The following CECR2 variants were observed in gnomAD, a reference collection of about 807,000 sequenced individuals.
CECR2 encodes the protein chromatin remodeling regulator CECR2.
Under a neutral mutation model 154.5 loss-of-function variants are expected in CECR2, and 30 were observed. The observed-to-expected ratio is 0.19, with a 90% CI of 0.15 to 0.26. The LOEUF (loss-of-function observed/expected upper bound fraction) is 0.26. Among genes scored for constraint, CECR2 ranks in the 10% least tolerant of loss-of-function variants. CECR2 has a pLI of 1.00. For synonymous variants in CECR2, 725 were observed against 683.7 expected (o/e 1.06, Z -0.94); for missense variants, 1,743 against 1,829.3 (o/e 0.95, Z 0.86).
intron 1 of CECR2, among the ~76,000 whole-genome samples, chr22:17,447,652 T>TAA (rs5844311): frequency 0.036 from 4,838 of 134,178 alleles, 276 homozygotes; most frequent in African/African-American, 0.12. Context: ...CCCAGAGACT[T>TAA]AAAAAAAAAA....
chr22:17,552,859 C>G lies in CECR2; in HGVS notation c.*19C>G. 6.5e-7 allele frequency: 1 copy of G among 1,538,814 alleles called. No individual in the cohort carries two copies. Among genetic ancestry groups the G allele is most frequent in the Non-Finnish European group, 8.8e-7 (1 of 1,141,304 alleles). ...GAGCTAGTCCAAGGAGGAAATGAGC[C>G]CCAAGCAATGGAAAGCTGCACACGA... is the stretch of plus-strand genomic sequence containing the variant. On this transcript the variant is annotated 3_prime_UTR_variant, in exon 19 of 19. Coordinates refer to ENST00000262608, the MANE Select transcript of CECR2 (RefSeq NM_001290047.2).
intron 8 of CECR2, 43 bp from the exon 9 acceptor site, chr22:17,524,075 C>A: frequency 2.1e-6 from 3 of 1,440,742 alleles, no homozygotes; most frequent in Non-Finnish European, 2.9e-6. Flanking sequence ...GCTTATCTTG[C>A]ATGATTGTGT....
chr22:17,476,538 T>TA (rs1458261931), intron 1 of CECR2, among the ~76,000 whole-genome samples: 1 of 152,138 alleles, frequency 6.6e-6, no homozygotes, highest in Non-Finnish European at 1.5e-5. Context: ...TATTTCTATA[T>TA]AAGAAGGAAA....
Position 17,549,080 on chromosome 22 carries a change from G to A in CECR2, c.3793G>A (p.Val1265Met). The A allele has an allele frequency of 6.2e-7, 1 of 1,614,044 alleles. No individual in the cohort carries two copies. The highest frequency in any genetic ancestry group is 8.5e-7 in the Non-Finnish European group (1 of 1,179,894). The stretch of plus-strand genomic sequence containing the variant: ...AACTTCTCCAACCCGTATGGATGCA[G>A]TGGCTGCTAAAGTCCCAAATGACGG... ...ALTSPTRMDA[V>M]AAKVPNDGQN... The change falls in exon 17 of 19, where the codon GTG becomes ATG. Residue 1265 changes from valine to methionine, a missense_variant. Around this residue, in one of 4 missense-constraint regions of CECR2, gnomAD observed 1,250 missense variants for 1,192.1 expected, o/e 1.05. Coordinates refer to ENST00000262608, the MANE Select transcript of CECR2 (RefSeq NM_001290047.2).
chr22:17,480,459 C>CACACACACACAG (rs373106595), intron 2 of CECR2, among the ~76,000 whole-genome samples: 2,283 of 143,602 alleles, frequency 0.016, 30 homozygotes, highest in Non-Finnish European at 0.023. Context: ...CACACACACA[C>CACACACACACAG]AGAGAAAAGT....
At chr22:17,434,427 ACT>A (rs1382887106) in intron 1 of CECR2, among the ~76,000 whole-genome samples, 1 of 152,102 alleles carries the variant, frequency 6.6e-6, no homozygotes, top group Non-Finnish European at 1.5e-5. Flanking sequence ...GATTCTGGAG[ACT>A]CTGATGCAGG....
chr22:17,487,635 T>G lies in CECR2; in HGVS notation c.222-9768T>G, dbSNP rs866076528. Among the ~76,000 whole-genome samples, 15 of 152,254 alleles carry G rather than the reference T, an allele frequency of 9.9e-5. No homozygotes were observed. The East Asian group carries it at 2.7e-3, about 27-fold the overall frequency. On this transcript the variant is annotated intron_variant, in intron 2 of 18. Coordinates refer to ENST00000262608, the MANE Select transcript of CECR2 (RefSeq NM_001290047.2). ...TGAACCCGGGAGGCAGAGCTTGCAG[T>G]GAGCCGAGATCGCGCCATGCACAAG...
At chr22:17,378,574 G>A (rs1337517885) in intron 1 of CECR2, among the ~76,000 whole-genome samples, 1 of 152,118 alleles carries the variant, frequency 6.6e-6, no homozygotes, top group Non-Finnish European at 1.5e-5. Context: ...GTGTGAGCCG[G>A]CCCACCTGGC....
At chr22:17,447,225 G>A in intron 1 of CECR2, among the ~76,000 whole-genome samples, 1 of 146,810 alleles carries the variant, frequency 6.8e-6, no homozygotes, top group Non-Finnish European at 1.5e-5. Context: ...TTAGTAGACG[G>A]GACTGCAAGC....
chr22:17,525,380 G>T (rs568613760), intron 9 of CECR2, among the ~76,000 whole-genome samples: 10 of 148,388 alleles, frequency 6.7e-5, no homozygotes, highest in African/African-American at 2.0e-4. Context: ...AGTGGCTCAC[G>T]CCTGTAATCC....
intron 2 of CECR2, among the ~76,000 whole-genome samples, chr22:17,478,658 T>C (rs1569108093): frequency 6.6e-6 from 1 of 152,134 alleles, no homozygotes; most frequent in Non-Finnish European, 1.5e-5. Context: ...CCTGGCCAAG[T>C]ATCAGATATT....
At chr22:17,402,730 TTTTCTTTC>T (rs774482064) in intron 1 of CECR2, among the ~76,000 whole-genome samples, 1 of 151,380 alleles carries the variant, frequency 6.6e-6, no homozygotes, top group African/African-American at 2.4e-5. Context: ...CAATCTTTTC[TTTTCTTTC>T]TTTCTTTCTT....
intron 7 of CECR2, among the ~76,000 whole-genome samples, chr22:17,511,198 A>G (rs2055944775): frequency 1.3e-5 from 2 of 152,234 alleles, no homozygotes; most frequent in Admixed American, 1.3e-4. Context: ...TACATGTGCT[A>G]ATAAACCTTG....
Position 17,470,640 on chromosome 22 carries a change from A to C in CECR2, c.127-6948A>C, listed in dbSNP as rs79741455. On this transcript the variant is annotated intron_variant, in intron 1 of 18. Coordinates refer to ENST00000262608, the MANE Select transcript of CECR2 (RefSeq NM_001290047.2). Reference sequence around the variant, plus strand: ...TTTTCCTGGACAGGATTAAAACTTAACTAAAATTTTCCTTGTCCGTTTTTC... The same window carrying C: ...TTTTCCTGGACAGGATTAAAACTTACCTAAAATTTTCCTTGTCCGTTTTTC... Among the ~76,000 whole-genome samples, 1,423 of 151,962 alleles carry C rather than the reference A, an allele frequency of 9.4e-3. 22 individuals carry two copies. The highest frequency in any genetic ancestry group is 0.033 in the African/African-American group (1,353 of 41,360).
intron 2 of CECR2, among the ~76,000 whole-genome samples, chr22:17,478,005 C>T (rs75027253): frequency 0.011 from 1,599 of 152,122 alleles, 29 homozygotes; most frequent in African/African-American, 0.037. Flanking sequence ...TAAAGTATTG[C>T]CTAAGAAATC....
intron 1 of CECR2, among the ~76,000 whole-genome samples, chr22:17,377,195 G>C (rs73153489): frequency 0.024 from 3,589 of 152,184 alleles, 128 homozygotes; most frequent in African/African-American, 0.078. Context: ...AATTAATTAC[G>C]TACCAAGTGA....
At chr22:17,501,674 T>A (rs766970801) in intron 5 of CECR2, among the ~76,000 whole-genome samples, 70 of 152,264 alleles carry the variant, frequency 4.6e-4, no homozygotes, top group Non-Finnish European at 9.1e-4. Context: ...TATCCGTTTC[T>A]GTGACAAATG....
chr22:17,540,771 C>A lies in CECR2; in HGVS notation c.1855C>A (p.Pro619Thr). The A allele has an allele frequency of 6.3e-7, 1 of 1,588,804 alleles. No individual in the cohort carries two copies. Among genetic ancestry groups the A allele is most frequent in the Non-Finnish European group, 8.6e-7 (1 of 1,167,098 alleles). ...FSHPLHCGGTPSQAPFLNQMR... is the reference protein window; with the variant it reads ...FSHPLHCGGTTSQAPFLNQMR... ...TCATCCCCTGCATTGTGGTGGGACACCCAGCCAGGCACCCTTTTTAAACCA... is the reference window on the plus strand; with the variant it reads ...TCATCCCCTGCATTGTGGTGGGACAACCAGCCAGGCACCCTTTTTAAACCA... The change falls in exon 14 of 19, where the codon CCC becomes ACC. Residue 619 changes from proline to threonine, a missense_variant. By Grantham distance (38) the Pro-to-Thr change is conservative. This residue lies in a region of CECR2 where 1,250 missense variants were observed against 1,192.1 expected (regional missense o/e 1.05). Coordinates refer to ENST00000262608, the MANE Select transcript of CECR2 (RefSeq NM_001290047.2).
At chr22:17,527,914 T>C (rs2056292170) in intron 9 of CECR2, among the ~76,000 whole-genome samples, 1 of 151,976 alleles carries the variant, frequency 6.6e-6, no homozygotes, top group Non-Finnish European at 1.5e-5. Flanking sequence ...CAATAACAAA[T>C]ACTGGTGAGA....
Sources: gnomAD v4.1 joint callset for allele counts (sites outside exome capture counted in the v4.1 genomes callset) on GRCh38, gnomAD v4.1.1 for gene constraint, gnomAD v4.1.1 regional missense constraint, MANE v1.5 for transcripts, NCBI Gene and HGNC (gene_info 2026-07-23, HGNC 2026-07-21) for gene names.